The following TBC1D19 variants were observed in gnomAD, a reference collection of about 807,000 sequenced individuals.
TBC1D19 encodes the protein TBC1 domain family, member 19.
Under a neutral mutation model 89.0 loss-of-function variants are expected in TBC1D19, and 60 were observed. The ratio of observed to expected loss-of-function variants is 0.67; its 90% CI spans 0.55 to 0.84. The LOEUF is 0.84. Ranked by LOEUF, TBC1D19 falls within the 40% of genes least tolerant of loss-of-function variation. TBC1D19 has a pLI of 0.00. For synonymous variants in TBC1D19, 189 were observed against 199.7 expected (o/e 0.95, Z 0.45); for missense variants, 500 against 610.8 (o/e 0.82, Z 1.91).
chr4:26,772,938 A>T, the TBC1D19 span, among the ~76,000 whole-genome samples: 2 of 152,204 alleles, frequency 1.3e-5, no homozygotes, highest in South Asian at 2.1e-4. Context: ...GCATGAATGT[A>T]TCTTTATTAC....
intron 13 of TBC1D19, among the ~76,000 whole-genome samples, chr4:26,706,518 C>T (rs1715750116): frequency 6.6e-6 from 1 of 152,038 alleles, no homozygotes; most frequent in African/African-American, 2.4e-5. Flanking sequence ...TTCCTATTCT[C>T]CATTTCATTT....
chr4:26,604,030 T>C (rs1444390281), intron 1 of TBC1D19, among the ~76,000 whole-genome samples: 2 of 152,210 alleles, frequency 1.3e-5, no homozygotes, highest in Non-Finnish European at 2.9e-5. Context: ...TTAACCACTT[T>C]AGGCACCTCA....
intron 11 of TBC1D19, among the ~76,000 whole-genome samples, chr4:26,676,682 G>C (rs947311028): frequency 3.4e-5 from 5 of 149,168 alleles, no homozygotes; most frequent in Non-Finnish European, 7.4e-5. Flanking sequence ...TCGCGCCACT[G>C]CACTCCAGCC....
At chr4:26,825,271 G>A in the TBC1D19 span, among the ~76,000 whole-genome samples, 1 of 152,008 alleles carries the variant, frequency 6.6e-6, no homozygotes, top group Non-Finnish European at 1.5e-5. Flanking sequence ...GCTAATTTTT[G>A]TATCTTTAGT....
chr4:26,763,889 T>C, the TBC1D19 span, among the ~76,000 whole-genome samples: 20 of 152,330 alleles, frequency 1.3e-4, no homozygotes, highest in East Asian at 3.9e-4. Context: ...TGTTTTCTTC[T>C]GTGTGGAAGG....
chr4:26,830,997 TAA>T, the TBC1D19 span, among the ~76,000 whole-genome samples: 9 of 152,298 alleles, frequency 5.9e-5, no homozygotes, highest in Non-Finnish European at 1.0e-4. Flanking sequence ...ACCAAAAGCT[TAA>T]GAGTGATTGC....
At chr4:26,797,381 A>C in the TBC1D19 span, among the ~76,000 whole-genome samples, 1 of 152,224 alleles carries the variant, frequency 6.6e-6, no homozygotes, top group East Asian at 1.9e-4. Context: ...ACACTGATGA[A>C]AGAAATTGTA....
the TBC1D19 span, among the ~76,000 whole-genome samples, chr4:26,855,328 TCTA>T: frequency 1.3e-5 from 2 of 152,244 alleles, no homozygotes; most frequent in African/African-American, 4.8e-5. Context: ...ATTCTTTTTT[TCTA>T]CTTTCCTTTT....
chr4:26,710,245 T>C (rs1716071200), intron 13 of TBC1D19, among the ~76,000 whole-genome samples: 1 of 152,076 alleles, frequency 6.6e-6, no homozygotes, highest in African/African-American at 2.4e-5. Flanking sequence ...TGTGTTCTCA[T>C]TGTTCAATTC....
chr4:26,594,330 A>G (rs1055101423), intron 1 of TBC1D19, among the ~76,000 whole-genome samples: 6 of 152,160 alleles, frequency 3.9e-5, no homozygotes, highest in Middle Eastern at 3.4e-3. Flanking sequence ...TCACACACGG[A>G]GGCCTGTTGT....
chr4:26,717,086 CT>C (rs2109261241), intron 13 of TBC1D19, among the ~76,000 whole-genome samples: 1 of 152,188 alleles, frequency 6.6e-6, no homozygotes, highest in East Asian at 1.9e-4. Flanking sequence ...ATTACCTATC[CT>C]TTTTTCCAAA....
intron 4 of TBC1D19, among the ~76,000 whole-genome samples, chr4:26,623,387 C>G (rs1207999656): frequency 1.3e-5 from 2 of 152,124 alleles, no homozygotes; most frequent in East Asian, 3.8e-4. Context: ...TATTCATTGT[C>G]TGTCTTCCAT....
the TBC1D19 span, among the ~76,000 whole-genome samples, chr4:26,765,191 G>A: frequency 6.6e-6 from 1 of 152,224 alleles, no homozygotes; most frequent in South Asian, 2.1e-4. Context: ...CAGATGGCAT[G>A]AGCCTCAAAG....
chr4:26,846,803 C>T, the TBC1D19 span, among the ~76,000 whole-genome samples: 65,908 of 151,892 alleles, frequency 0.43, 14,843 homozygotes, highest in Middle Eastern at 0.65. Context: ...CTAGTCTTAA[C>T]CTTTCTGCTA....
the TBC1D19 span, among the ~76,000 whole-genome samples, chr4:26,775,074 T>C: frequency 6.6e-6 from 1 of 152,212 alleles, no homozygotes; most frequent in Non-Finnish European, 1.5e-5. Flanking sequence ...ATGTTAGTAT[T>C]GAGAACTGGT....
chr4:26,835,979 CT>C, the TBC1D19 span, among the ~76,000 whole-genome samples: 1 of 137,258 alleles, frequency 7.3e-6, no homozygotes, highest in Non-Finnish European at 1.5e-5. Flanking sequence ...GAAGTGCTCT[CT>C]CTCTCTCTCT....
chr4:26,645,950 C>T (rs1577864449), intron 7 of TBC1D19, among the ~76,000 whole-genome samples: 2 of 151,266 alleles, frequency 1.3e-5, no homozygotes, highest in South Asian at 4.2e-4. Context: ...GGTGAAACCC[C>T]GTCTCTACTA....
chr4:26,637,122 A>T (rs1424925827), intron 4 of TBC1D19, 89 bp from the exon 5 acceptor site: 1 of 930,746 alleles, frequency 1.1e-6, no homozygotes, highest in Non-Finnish European at 1.6e-6. Context: ...CAGCCTTACC[A>T]TTTCTATATA....
intron 7 of TBC1D19, among the ~76,000 whole-genome samples, chr4:26,646,143 A>G (rs1743928957): frequency 6.6e-6 from 1 of 150,916 alleles, no homozygotes. Flanking sequence ...AAAAAAAAAA[A>G]AGTGGGCAAA....
Sources: allele counts gnomAD v4.1 joint callset (sites outside exome capture counted in the v4.1 genomes callset), GRCh38; gene constraint gnomAD v4.1.1; transcripts MANE v1.5; gene names NCBI Gene and HGNC (gene_info 2026-07-23, HGNC 2026-07-21).